The following AFM variants were observed in gnomAD, a reference collection of about 807,000 sequenced individuals.
The protein encoded by AFM is afamin.
Under a neutral mutation model 68.7 loss-of-function variants are expected in AFM, and 82 were observed. That is an observed-to-expected ratio of 1.19 (90% confidence interval 1.00 to 1.43). The LOEUF is 1.43. Among genes scored for constraint, AFM ranks in the 40% most tolerant of loss-of-function variants. The pLI is 0.00. For synonymous variants in AFM, 250 were observed against 234.2 expected (o/e 1.07, Z -0.61); for missense variants, 772 against 701.8 (o/e 1.10, Z -1.13).
intron 1 of AFM, among the ~76,000 whole-genome samples, 198 bp downstream of exon 1, chr4:73,482,061 T>C (rs1394574892): frequency 6.6e-6 from 1 of 152,242 alleles, no homozygotes; most frequent in African/African-American, 2.4e-5. Context: ...ACCAAGTCTA[T>C]ATGAAGAAAG....
At chr4:73,482,037 G>A (rs1391077254) in intron 1 of AFM, among the ~76,000 whole-genome samples, 174 bp downstream of exon 1, 2 of 152,054 alleles carry the variant, frequency 1.3e-5, no homozygotes. Context: ...TATTTTGATG[G>A]TAATTTTTAT....
chr4:73,496,906 A>G (rs1721274724), intron 9 of AFM, among the ~76,000 whole-genome samples: 1 of 152,084 alleles, frequency 6.6e-6, no homozygotes, highest in Non-Finnish European at 1.5e-5. Flanking sequence ...TTCACTTGCC[A>G]CAAACACCAG....
At chr4:73,495,184 GA>G in intron 8 of AFM, 115 bp from the exon 9 acceptor site, 1 of 979,440 alleles carries the variant, frequency 1.0e-6, no homozygotes, top group Non-Finnish European at 1.4e-6. Context: ...AGACAGAGGA[GA>G]AAATTAGCTT....
rs538753439 is a variant in AFM, at chr4:73,483,739, T to G, written c.89-202T>G. Among the ~76,000 whole-genome samples, 16 of 152,390 alleles carry G rather than the reference T, an allele frequency of 1.0e-4. No homozygotes were observed. In the South Asian group the frequency reaches 3.3e-3, roughly 32 times the overall value. On this transcript the variant is annotated intron_variant, in intron 1 of 14. Coordinates refer to ENST00000226355, the MANE Select transcript of AFM (RefSeq NM_001133.2). ...AGGTCAATTCAATTTGGTAAATATT[T>G]CTTGAACACATAATCAACAATGACT...
At chr4:73,502,607 T>C (rs762877962) in intron 13 of AFM, among the ~76,000 whole-genome samples, 1 of 152,148 alleles carries the variant, frequency 6.6e-6, no homozygotes, top group Non-Finnish European at 1.5e-5. Flanking sequence ...CACTGTTTCT[T>C]TTCTAGGAAC....
Position 73,485,702 on chromosome 4 carries a change from G to A in AFM, c.271-160G>A, listed in dbSNP as rs568321555. 2.6e-3 allele frequency among the ~76,000 whole-genome samples: 365 copies of A among 142,938 alleles called. 2 individuals are homozygous for A. Among genetic ancestry groups the A allele is most frequent in the African/African-American group, 8.8e-3 (342 of 38,916 alleles). The allele number at this position is 142,938 out of a possible 152,430, so 93.8% of individuals were successfully genotyped here. On this transcript the variant is annotated intron_variant, in intron 3 of 14. Coordinates refer to ENST00000226355, the MANE Select transcript of AFM (RefSeq NM_001133.2). The stretch of plus-strand genomic sequence containing the variant: ...GGTGGAAGAGAAGGAGGGGGGGAAG[G>A]GAAGGAGAAGGGGAAGGGGAAGGGG...
At chr4:73,500,576 C>CCTTA (rs1337500628) in intron 12 of AFM, among the ~76,000 whole-genome samples, 1 of 152,068 alleles carries the variant, frequency 6.6e-6, no homozygotes, top group Non-Finnish European at 1.5e-5. Context: ...AAAGGAGAGG[C>CCTTA]CTAAAGGGCC....
intron 5 of AFM, 137 bp downstream of exon 5, chr4:73,487,236 A>G (rs1720926724): frequency 1.1e-6 from 1 of 931,974 alleles, no homozygotes; most frequent in Non-Finnish European, 1.6e-6. Flanking sequence ...TTTTCAAACC[A>G]TTGGTCACCA....
At chr4:73,501,697 C>T in intron 12 of AFM, 90 bp from the exon 13 acceptor site, 24 of 1,418,496 alleles carry the variant, frequency 1.7e-5, no homozygotes, top group Non-Finnish European at 2.3e-5. Flanking sequence ...AGCTGAGACT[C>T]AAGACGTGAT....
At chr4:73,501,765 A>T (rs1330253303) in intron 12 of AFM, 22 bp from the exon 13 acceptor site, 5 of 1,603,990 alleles carry the variant, frequency 3.1e-6, no homozygotes, top group Non-Finnish European at 4.3e-6. Flanking sequence ...AATTAATTTT[A>T]TTTGACATCT....
Position 73,499,146 on chromosome 4 carries a change from A to G in AFM, c.1322A>G (p.Gln441Arg). The change falls in exon 11 of 15, where the codon CAA becomes CGA. Residue 441 changes from glutamine to arginine, a missense_variant. Physicochemically the swap from Gln to Arg is conservative, Grantham distance 43. Coordinates refer to ENST00000226355, the MANE Select transcript of AFM (RefSeq NM_001133.2). ...YLIRLTKIAP[Q>R]LSTEELVSLG... ...ATCAGGCTCACGAAGATAGCTCCCC[A>G]ACTCTCCACTGAAGAACTGGTGTCT... is the stretch of plus-strand genomic sequence containing the variant. 2 of 1,613,474 alleles carry G rather than the reference A, an allele frequency of 1.2e-6. No individual in the cohort carries two copies. Among genetic ancestry groups the G allele is most frequent in the East Asian group, 4.5e-5 (2 of 44,856 alleles).
At chr4:73,488,905 TAAAC>T in intron 7 of AFM, 146 bp downstream of exon 7, 1 of 796,972 alleles carries the variant, frequency 1.3e-6, no homozygotes, top group Admixed American at 3.2e-5. Flanking sequence ...AAATGAAATA[TAAAC>T]ATTTTTATAA....
At chr4:73,485,361 G>A (rs1427684058) in intron 3 of AFM, among the ~76,000 whole-genome samples, 2 of 152,090 alleles carry the variant, frequency 1.3e-5, no homozygotes, top group African/African-American at 2.4e-5. Context: ...CAAGACAGAG[G>A]AACAAAGATT....
intron 1 of AFM, 49 bp from the exon 2 acceptor site, chr4:73,483,892 A>G: frequency 1.4e-6 from 2 of 1,426,900 alleles, no homozygotes; most frequent in Non-Finnish European, 1.9e-6. Context: ...TATTTGAAAA[A>G]TGTTAGAAAA....
At position 73,501,932 on chromosome 4, in the gene AFM, C is replaced by A; in HGVS notation, c.1779+13C>A. On this transcript the variant is annotated intron_variant, in intron 13 of 14. Coordinates refer to ENST00000226355, the MANE Select transcript of AFM (RefSeq NM_001133.2). ...CTTTAATGAAGAGGTAGTTTTATTTCTTTTCTACTGAAATTCAACTGGTTT... is the reference window on the plus strand; with the variant it reads ...CTTTAATGAAGAGGTAGTTTTATTTATTTTCTACTGAAATTCAACTGGTTT... The A allele has an allele frequency of 1.9e-6, 3 of 1,608,366 alleles. No individual in the cohort carries two copies. The highest frequency in any genetic ancestry group is 2.7e-5 in the African/African-American group (2 of 74,664).
At position 73,500,175 on chromosome 4, in the gene AFM, C is replaced by A. The variant is rs748818092; in HGVS notation, c.1594C>A (p.His532Asn). Residue 532 changes from histidine (H) to asparagine (N), a missense_variant, in exon 12 of 15, where the codon CAC (histidine) becomes AAC (asparagine). By Grantham distance (68) the His-to-Asn change is moderately conservative. Coordinates refer to ENST00000226355, the MANE Select transcript of AFM (RefSeq NM_001133.2). The stretch of plus-strand genomic sequence containing the variant: ...TTTCTCTCAAGATTTATTTACCTTT[C>A]ACGCAGACATGTGTCAATCTCAGAA... ...PPFSQDLFTFHADMCQSQNEE... is the reference protein window; with the variant it reads ...PPFSQDLFTFNADMCQSQNEE... 1 of 1,613,868 alleles carries A rather than the reference C, an allele frequency of 6.2e-7. No homozygotes were observed. Among genetic ancestry groups the A allele is most frequent in the South Asian group, 1.1e-5 (1 of 91,078 alleles).
chr4:73,501,672 C>A, intron 12 of AFM, 115 bp from the exon 13 acceptor site: 1 of 1,197,350 alleles, frequency 8.4e-7, no homozygotes, highest in Non-Finnish European at 1.1e-6. Flanking sequence ...TATTTCAACT[C>A]TTTACCCACA....
rs1298327893 is a variant in AFM at position 73,484,280 on chromosome 4, T to C, written c.160T>C (p.Tyr54His). The C allele has an allele frequency of 3.7e-6, 6 of 1,612,302 alleles. No homozygotes were observed. In the South Asian group the frequency reaches 4.4e-5, roughly 12 times the overall value. ...EYITIIAFAQ[Y>H]VQEATFEEME... is the part of the protein sequence containing the mutation. ...CAGCACCATCATTGCATTTGCTCAG[T>C]ATGTTCAGGAAGCAACCTTTGAAGA... The change falls in exon 3 of 15, where the codon TAT becomes CAT. Residue 54 changes from tyrosine (Y) to histidine (H), a missense_variant. Tyr to His is a moderately conservative substitution (Grantham distance 83). Transcript: ENST00000226355.
intron 5 of AFM, 22 bp downstream of exon 5, chr4:73,487,121 T>C: frequency 6.2e-7 from 1 of 1,613,050 alleles, no homozygotes; most frequent in South Asian, 1.1e-5. Context: ...ATTTGTTCCA[T>C]GAAGAGGATA....
Sources: allele counts gnomAD v4.1 joint callset (sites outside exome capture counted in the v4.1 genomes callset), GRCh38; gene constraint gnomAD v4.1.1; transcripts MANE v1.5; gene names NCBI Gene and HGNC (gene_info 2026-07-23, HGNC 2026-07-21).